Variants in RAB6B observed in about 807,000 individuals in gnomAD.
RAB6B encodes the protein ras-related protein Rab-6B.
Under a neutral mutation model 31.2 loss-of-function variants are expected in RAB6B, and 7 were observed. The ratio of observed to expected loss-of-function variants is 0.22; its 90% CI spans 0.13 to 0.42. The LOEUF is 0.42. Among genes scored for constraint, RAB6B ranks in the 10% least tolerant of loss-of-function variants. The pLI is 1.00. For synonymous variants in RAB6B, 105 were observed against 104.9 expected (o/e 1.00, Z -0.01); for missense variants, 149 against 280.6 (o/e 0.53, Z 3.35).
chr3:133,890,034 C>T lies in RAB6B; in HGVS notation c.70+5363G>A, dbSNP rs188552951. Reference sequence around the variant, plus strand: ...AAAAGCAAAGGTTCTGGGCCTGTACCCAACCTCCACAAAGGTGCCCCTTCT... The same window carrying T: ...AAAAGCAAAGGTTCTGGGCCTGTACTCAACCTCCACAAAGGTGCCCCTTCT... On this transcript the variant is annotated intron_variant, in intron 1 of 7. Transcript: ENST00000285208. 1.3e-3 allele frequency among the ~76,000 whole-genome samples: 195 copies of T among 152,232 alleles called. 2 individuals carry two copies. Among genetic ancestry groups the T allele is most frequent in the African/African-American group, 4.5e-3 (187 of 41,542 alleles).
chr3:133,882,344 A>G (rs760567633), intron 1 of RAB6B, among the ~76,000 whole-genome samples: 1 of 152,144 alleles, frequency 6.6e-6, no homozygotes, highest in Non-Finnish European at 1.5e-5. Context: ...CCTTTGCCAC[A>G]CTATATTTGC....
chr3:133,851,296 T>A (rs1267961326), intron 2 of RAB6B, among the ~76,000 whole-genome samples: 2 of 152,224 alleles, frequency 1.3e-5, no homozygotes, highest in Non-Finnish European at 2.9e-5. Context: ...AAGTGATGGC[T>A]TCAGTACACC....
At chr3:133,885,473 C>G (rs1357119305) in intron 1 of RAB6B, 1 of 700,222 alleles carries the variant, frequency 1.4e-6, no homozygotes, top group African/African-American at 1.8e-5. Flanking sequence ...CTTACACACC[C>G]AATGACCAGA....
intron 5 of RAB6B, among the ~76,000 whole-genome samples, chr3:133,839,144 C>G: frequency 6.6e-6 from 1 of 152,258 alleles, no homozygotes; most frequent in East Asian, 1.9e-4. Context: ...CAGGCACAGA[C>G]AGTTCACAGT....
intron 1 of RAB6B, among the ~76,000 whole-genome samples, chr3:133,892,344 G>A (rs1463517983): frequency 2.0e-5 from 3 of 152,170 alleles, no homozygotes; most frequent in Non-Finnish European, 4.4e-5. Context: ...CTGTCAGCCA[G>A]CCTATATTCC....
At chr3:133,887,091 CCT>C (rs1405034223) in intron 1 of RAB6B, among the ~76,000 whole-genome samples, 2 of 152,132 alleles carry the variant, frequency 1.3e-5, no homozygotes, top group Non-Finnish European at 2.9e-5. Flanking sequence ...ACCATATACC[CCT>C]CTTGGCTCTG....
chr3:133,825,617 G>A lies in RAB6B; in HGVS notation c.*3171C>T, dbSNP rs2107981242. The A allele has an allele frequency of 6.6e-6, 1 of 152,344 alleles. No individual in the cohort carries two copies. Among genetic ancestry groups the A allele is most frequent in the Admixed American group, 6.5e-5 (1 of 15,308 alleles). 9.4% of individuals were successfully genotyped at this position (152,344 alleles called of 1,614,324 possible). On this transcript the variant is annotated 3_prime_UTR_variant, in exon 8 of 8. Coordinates refer to ENST00000285208, the MANE Select transcript of RAB6B (RefSeq NM_016577.4). The stretch of plus-strand genomic sequence containing the variant: ...ATGTTGATGTATGTATGATCACCCA[G>A]CAAGTTAGGAGTGATCAGAACCAAT...
At chr3:133,846,244 T>C (rs1366156343) in intron 2 of RAB6B, among the ~76,000 whole-genome samples, 1 of 152,148 alleles carries the variant, frequency 6.6e-6, no homozygotes, top group Non-Finnish European at 1.5e-5. Context: ...GTCAGGAGTT[T>C]GAGACCAGCC....
intron 2 of RAB6B, among the ~76,000 whole-genome samples, chr3:133,859,802 T>G (rs1354583898): frequency 6.6e-6 from 1 of 152,178 alleles, no homozygotes; most frequent in Non-Finnish European, 1.5e-5. Flanking sequence ...GAGGGGCAGG[T>G]GCTGATTTAT....
rs904614524 is a variant in RAB6B, at chr3:133,895,580, G to A, written c.-114C>T. On this transcript the variant is annotated 5_prime_UTR_variant, in exon 1 of 8. Transcript: ENST00000285208. ...GCGGTGCGGGAGCCGGAGGGGGAAG[G>A]GCTGGCTGCGCGCGTCCCTGACTCC... is the stretch of plus-strand genomic sequence containing the variant. 1.2e-5 allele frequency: 13 copies of A among 1,043,710 alleles called. No individual in the cohort carries two copies. The highest frequency in any genetic ancestry group is 1.6e-5 in the Non-Finnish European group (11 of 702,674). 64.7% of individuals were successfully genotyped at this position (1,043,710 alleles called of 1,614,324 possible).
intron 1 of RAB6B, among the ~76,000 whole-genome samples, chr3:133,866,026 A>G (rs1028894292): frequency 2.0e-5 from 3 of 152,192 alleles, no homozygotes; most frequent in Admixed American, 2.0e-4. Flanking sequence ...TGAGGTTATC[A>G]CCATCCCAGG....
At chr3:133,833,035 G>C (rs1401572331) in intron 7 of RAB6B, among the ~76,000 whole-genome samples, 1 of 152,226 alleles carries the variant, frequency 6.6e-6, no homozygotes, top group Non-Finnish European at 1.5e-5. Flanking sequence ...CTTGGGAGCT[G>C]GTGGGATGGA....
chr3:133,887,685 G>C (rs912231122), intron 1 of RAB6B, among the ~76,000 whole-genome samples: 2 of 152,172 alleles, frequency 1.3e-5, no homozygotes, highest in Non-Finnish European at 2.9e-5. Flanking sequence ...CATACAGCCA[G>C]CCAGTGACAG....
At chr3:133,893,728 T>G (rs11708219) in intron 1 of RAB6B, among the ~76,000 whole-genome samples, 13,719 of 152,044 alleles carry the variant, frequency 0.09, 1,147 homozygotes, top group African/African-American at 0.23. Context: ...GCCTCAAATT[T>G]TACTAAAGAC....
intron 1 of RAB6B, among the ~76,000 whole-genome samples, chr3:133,889,442 A>ATATATATATATT (rs1936606374): frequency 2.3e-5 from 2 of 87,854 alleles, no homozygotes; most frequent in Non-Finnish European, 4.5e-5. Context: ...ATATATATAT[A>ATATATATATATT]TATTTATTTT....
chr3:133,828,483 C>G lies in RAB6B; in HGVS notation c.*305G>C, dbSNP rs997651800. The G allele has an allele frequency of 2.3e-6, 1 of 431,174 alleles. No individual in the cohort carries two copies. Among genetic ancestry groups the G allele is most frequent in the Admixed American group, 4.1e-5 (1 of 24,208 alleles). 26.7% of individuals were successfully genotyped at this position (431,174 alleles called of 1,614,324 possible). ...CAAATAAAAATGACTACATTTTTAT[C>G]TGGCAAAAAATTGTATACACATGAT... On this transcript the variant is annotated 3_prime_UTR_variant, in exon 8 of 8. Transcript: ENST00000285208.
intron 1 of RAB6B, among the ~76,000 whole-genome samples, chr3:133,870,616 G>A (rs1253165277): frequency 6.6e-6 from 1 of 152,130 alleles, no homozygotes; most frequent in Non-Finnish European, 1.5e-5. Flanking sequence ...TATCCCCTGA[G>A]CCCAAGACAA....
intron 1 of RAB6B, 128 bp downstream of exon 1, chr3:133,895,269 C>A: frequency 9.8e-7 from 1 of 1,022,140 alleles, no homozygotes; most frequent in South Asian, 1.5e-5. Flanking sequence ...CTCCCCATCC[C>A]TGTCCCTCTC....
intron 1 of RAB6B, among the ~76,000 whole-genome samples, chr3:133,892,138 T>A (rs1442091689): frequency 6.6e-6 from 1 of 152,032 alleles, no homozygotes; most frequent in East Asian, 1.9e-4. Flanking sequence ...TCGGACGCCA[T>A]CAAATGCCCC....
Sources: gnomAD v4.1 joint callset for allele counts (sites outside exome capture counted in the v4.1 genomes callset) on GRCh38, gnomAD v4.1.1 for gene constraint, MANE v1.5 for transcripts, NCBI Gene and HGNC (gene_info 2026-07-23, HGNC 2026-07-21) for gene names.